The following ABCB4 variants were observed in gnomAD, a reference collection of about 807,000 sequenced individuals.
ABCB4 encodes the protein ATP binding cassette subfamily B member 4, also known as phosphatidylcholine translocator ABCB4.
A neutral mutation model predicts 145.7 loss-of-function variants in ABCB4; 76 were observed. That is an observed-to-expected ratio of 0.52 (90% CI 0.43 to 0.63). The LOEUF is 0.63. Among genes scored for constraint, ABCB4 ranks in the 30% least tolerant of loss-of-function variants. ABCB4 has a pLI of 0.00. For synonymous variants in ABCB4, 517 were observed against 566.8 expected (o/e 0.91, Z 1.25); for missense variants, 1,234 against 1,553.1 (o/e 0.79, Z 3.45).
intron 4 of ABCB4, among the ~76,000 whole-genome samples, chr7:87,460,729 C>A (rs1438275357): frequency 6.6e-6 from 1 of 151,800 alleles, no homozygotes; most frequent in African/African-American, 2.4e-5. Flanking sequence ...CGGCTCACTA[C>A]AACCTCCACC....
At position 87,423,657 on chromosome 7, in the gene ABCB4, A is replaced by C. The variant is rs190480643; in HGVS notation, c.2211+249T>G. On this transcript the variant is annotated intron_variant, in intron 17 of 27. Transcript: ENST00000649586. Reference sequence around the variant, plus strand: ...GTCTGACACCAGTTTCACCAAATGAAGAGAGCTCATTAGAATGCCTTCTTC... The same window carrying C: ...GTCTGACACCAGTTTCACCAAATGACGAGAGCTCATTAGAATGCCTTCTTC... The C allele has an allele frequency of 1.6e-5, 8 of 495,592 alleles. No homozygotes were observed. In the East Asian group the frequency reaches 2.7e-4, roughly 17 times the overall value. The allele number at this position is 495,592 out of a possible 1,614,324, so 30.7% of individuals were successfully genotyped here. A position where few individuals can be genotyped will look rare whatever the true frequency, so the allele number is the denominator to read the frequency against.
rs1348263765 is a variant in ABCB4 at position 87,409,263 on chromosome 7, G to C, written c.3054C>G (p.Asp1018Glu). 6.2e-7 allele frequency: 1 copy of C among 1,614,070 alleles called. No individual in the cohort carries two copies. The highest frequency in any genetic ancestry group is 1.1e-5 in the South Asian group (1 of 91,076). The change falls in exon 24 of 28, where the codon GAC (aspartate) becomes GAG (glutamate). Residue 1018 changes from aspartate to glutamate, a missense_variant. Physicochemically the swap from Asp to Glu is conservative, Grantham distance 45. Transcript: ENST00000649586. ...FMLFERQPLI[D>E]SYSEEGLKPD... Reference sequence around the variant, plus strand: ...GCTTCAGCCCCTCTTCACTGTAGCTGTCAATCAGAGGTTGTCTTTCAAACA... The same window carrying C: ...GCTTCAGCCCCTCTTCACTGTAGCTCTCAATCAGAGGTTGTCTTTCAAACA...
chr7:87,386,774 G>A, the ABCB4 span, among the ~76,000 whole-genome samples: 1 of 152,084 alleles, frequency 6.6e-6, no homozygotes, highest in Non-Finnish European at 1.5e-5. Context: ...CTTTGATTTG[G>A]TGTCTTTTTT....
intron 17 of ABCB4, chr7:87,423,433 C>T (rs1282535438): frequency 1.0e-5 from 2 of 199,550 alleles, no homozygotes; most frequent in African/African-American, 2.4e-5. Flanking sequence ...TCTTAATCCT[C>T]AGCCATGTTA....
At chr7:87,412,160 G>A (rs1163571060) in intron 22 of ABCB4, 127 bp from the exon 23 acceptor site, 13 of 943,442 alleles carry the variant, frequency 1.4e-5, no homozygotes, top group Non-Finnish European at 2.0e-5. Flanking sequence ...TATTAGTTTG[G>A]GTAAATGATA....
chr7:87,448,291 C>A (rs1811480192), intron 8 of ABCB4, among the ~76,000 whole-genome samples: 1 of 151,540 alleles, frequency 6.6e-6, no homozygotes, highest in African/African-American at 2.4e-5. Flanking sequence ...CAAAAAAAAA[C>A]AAAAAACAAA....
downstream of ABCB4, chr7:87,398,971 GT>G (rs1411158907): frequency 4.1e-6 from 1 of 244,520 alleles, no homozygotes; most frequent in Non-Finnish European, 7.9e-6. Context: ...AAGTATTTTT[GT>G]TGGTACTTAC....
At position 87,458,192 on chromosome 7, in the gene ABCB4, A is replaced by G. The variant is rs544862805; in HGVS notation, c.287-3600T>C. 8.5e-5 allele frequency among the ~76,000 whole-genome samples: 13 copies of G among 152,310 alleles called. No individual in the cohort carries two copies. In the East Asian group the frequency reaches 2.3e-3, roughly 27 times the overall value. The stretch of plus-strand genomic sequence containing the variant: ...TTCCCGCAGAATTTTCTAGACTATT[A>G]TAGTCACAGAGACAGCATAAAAGAT... On this transcript the variant is annotated intron_variant, in intron 4 of 27. Coordinates refer to ENST00000649586, the MANE Select transcript of ABCB4 (RefSeq NM_000443.4).
chr7:87,461,087 A>G (rs1459070369), intron 4 of ABCB4, among the ~76,000 whole-genome samples: 1 of 152,066 alleles, frequency 6.6e-6, no homozygotes, highest in Admixed American at 6.6e-5. Context: ...CTGGGATTAC[A>G]GGCATGAGCC....
At chr7:87,454,458 G>A in intron 5 of ABCB4, 77 bp downstream of exon 5, 1 of 1,175,764 alleles carries the variant, frequency 8.5e-7, no homozygotes, top group Non-Finnish European at 1.2e-6. Flanking sequence ...CACGTTATTT[G>A]TATATTCTTA....
intron 15 of ABCB4, 125 bp from the exon 16 acceptor site, chr7:87,427,045 G>C (rs1299537280): frequency 2.4e-6 from 2 of 818,696 alleles, no homozygotes; most frequent in East Asian, 5.3e-5. Context: ...CATGTATCAA[G>C]ATTTTCAGAT....
Position 87,426,798 on chromosome 7 carries a change from T to G in ABCB4, c.2016A>C (p.Lys672Asn). The G allele has an allele frequency of 6.2e-7, 1 of 1,614,038 alleles. No individual in the cohort carries two copies. The highest frequency in any genetic ancestry group is 8.5e-7 in the Non-Finnish European group (1 of 1,179,972). The change falls in exon 16 of 28, where the codon AAA becomes AAC. Residue 672 changes from lysine to asparagine, a missense_variant. Lys to Asn is a moderately conservative substitution (Grantham distance 94). Around this residue, in one of 7 missense-constraint regions of ABCB4, gnomAD observed 321 missense variants for 332.6 expected, o/e 0.97. Transcript: ENST00000649586. ...LFRHSTQKNL[K>N]NSQMCQKSLD... Reference sequence around the variant, plus strand: ...GGCTCTTCTGACACATTTGTGAATTTTTAAGGTTTTTCTGAGTAGAATGCC... The same window carrying G: ...GGCTCTTCTGACACATTTGTGAATTGTTAAGGTTTTTCTGAGTAGAATGCC...
chr7:87,426,565 A>C (rs573447103), intron 16 of ABCB4, among the ~76,000 whole-genome samples, 185 bp downstream of exon 16: 9 of 152,278 alleles, frequency 5.9e-5, no homozygotes, highest in Non-Finnish European at 8.8e-5. Context: ...AAACCCATTT[A>C]TAATTGGAAC....
downstream of ABCB4, among the ~76,000 whole-genome samples, chr7:87,400,255 G>C (rs1024782132): frequency 2.6e-5 from 4 of 152,198 alleles, no homozygotes; most frequent in African/African-American, 9.7e-5. Context: ...AAGTCACTTT[G>C]TAAAAGAGTG....
At chr7:87,391,845 G>GT in the ABCB4 span, 3 of 895,312 alleles carry the variant, frequency 3.4e-6, no homozygotes, top group Non-Finnish European at 5.0e-6. Context: ...CTTTTCTGAG[G>GT]TTTTTAAAGC....
At chr7:87,466,741 T>A (rs1249678915) in intron 3 of ABCB4, among the ~76,000 whole-genome samples, 1 of 152,188 alleles carries the variant, frequency 6.6e-6, no homozygotes, top group East Asian at 1.9e-4. Context: ...AGGGGGCCAA[T>A]ATTCAACATT....
intron 3 of ABCB4, among the ~76,000 whole-genome samples, chr7:87,471,124 C>T (rs1270676488): frequency 6.6e-6 from 1 of 151,548 alleles, no homozygotes; most frequent in Non-Finnish European, 1.5e-5. Context: ...GACAAAAAAC[C>T]AAACACCTCA....
chr7:87,392,971 T>C, the ABCB4 span: 1 of 1,613,628 alleles, frequency 6.2e-7, no homozygotes, highest in African/African-American at 1.3e-5. Context: ...AATTTTGTTC[T>C]CTCAACAAGT....
intron 4 of ABCB4, among the ~76,000 whole-genome samples, 154 bp from the exon 5 acceptor site, chr7:87,454,746 A>C (rs1248667832): frequency 2.0e-5 from 3 of 152,222 alleles, no homozygotes; most frequent in Non-Finnish European, 4.4e-5. Flanking sequence ...TTGCACACTT[A>C]AGTGCATTCT....
Sources: gnomAD v4.1 joint callset for allele counts (sites outside exome capture counted in the v4.1 genomes callset) on GRCh38, gnomAD v4.1.1 for gene constraint, gnomAD v4.1.1 regional missense constraint, MANE v1.5 for transcripts, NCBI Gene and HGNC (gene_info 2026-07-23, HGNC 2026-07-21) for gene names.